The following TSPAN15 variants were observed in gnomAD, a reference collection of about 807,000 sequenced individuals.
The protein encoded by TSPAN15 is tetraspanin 15.
TSPAN15 carries 20 observed loss-of-function variants against 34.5 expected under a neutral mutation model. The ratio of observed to expected loss-of-function variants is 0.58; its 90% CI spans 0.41 to 0.84. TSPAN15 has a LOEUF of 0.84. Among genes scored for constraint, TSPAN15 ranks in the 40% least tolerant of loss-of-function variants. TSPAN15 has a pLI of 0.00. For missense variants in TSPAN15, 313 were observed against 386.1 expected, an observed-to-expected ratio of 0.81 and a Z score of 1.59; for synonymous variants, 155 against 153.9, an observed-to-expected ratio of 1.01 and a Z score of -0.05.
the TSPAN15 span, among the ~76,000 whole-genome samples, chr10:69,533,909 G>C: frequency 6.6e-6 from 1 of 152,288 alleles, no homozygotes; most frequent in East Asian, 1.9e-4. Flanking sequence ...AGAATTGATT[G>C]CTTGTTTGGT....
chr10:69,549,437 C>T, the TSPAN15 span, among the ~76,000 whole-genome samples: 7 of 152,260 alleles, frequency 4.6e-5, no homozygotes, highest in South Asian at 1.5e-3. Context: ...GGGGATCCAC[C>T]ATCTTGTCTT....
At chr10:69,544,844 T>C in the TSPAN15 span, among the ~76,000 whole-genome samples, 59 of 152,226 alleles carry the variant, frequency 3.9e-4, no homozygotes, top group African/African-American at 1.4e-3. Flanking sequence ...ACAGACCCCA[T>C]CTAGGAGGAA....
At chr10:69,528,779 C>A in the TSPAN15 span, among the ~76,000 whole-genome samples, 1 of 148,298 alleles carries the variant, frequency 6.7e-6, no homozygotes, top group African/African-American at 2.4e-5. Context: ...AGAGAGGAGA[C>A]CCTGGAGTAG....
At chr10:69,493,074 C>T (rs1842002162) in intron 3 of TSPAN15, among the ~76,000 whole-genome samples, 1 of 152,190 alleles carries the variant, frequency 6.6e-6, no homozygotes, top group African/African-American at 2.4e-5. Context: ...CTGGCCCCAC[C>T]CTGGTATCCT....
chr10:69,539,571 GA>G, the TSPAN15 span, among the ~76,000 whole-genome samples: 1 of 150,446 alleles, frequency 6.6e-6, no homozygotes, highest in Admixed American at 6.6e-5. Context: ...AGGAGAAGAA[GA>G]CTCAGCCCCT....
At chr10:69,510,236 G>C (rs1404608712), downstream of TSPAN15, among the ~76,000 whole-genome samples, 1 of 152,174 alleles carries the variant, frequency 6.6e-6, no homozygotes, top group Non-Finnish European at 1.5e-5. Context: ...CCATTTGTTT[G>C]TGTCTTCTCT....
chr10:69,479,469 G>T (rs1162216122), intron 1 of TSPAN15, among the ~76,000 whole-genome samples: 2 of 152,240 alleles, frequency 1.3e-5, no homozygotes, highest in Non-Finnish European at 2.9e-5. Flanking sequence ...TTGGCTGTGG[G>T]CTGCCAGCAG....
chr10:69,482,758 C>A (rs891006170), intron 1 of TSPAN15, among the ~76,000 whole-genome samples: 1 of 152,138 alleles, frequency 6.6e-6, no homozygotes, highest in African/African-American at 2.4e-5. Context: ...AGCTGGGGCT[C>A]GAACCCATGT....
At chr10:69,525,202 A>G in the TSPAN15 span, among the ~76,000 whole-genome samples, 1 of 148,012 alleles carries the variant, frequency 6.8e-6, no homozygotes, top group Non-Finnish European at 1.5e-5. Flanking sequence ...ACAGGCATGA[A>G]TAAACACTAT....
At chr10:69,504,341 C>T in intron 5 of TSPAN15, 97 bp from the exon 6 acceptor site, 1 of 1,250,818 alleles carries the variant, frequency 8.0e-7, no homozygotes. Flanking sequence ...CGGTGCAACT[C>T]TGTGCTTCGG....
At chr10:69,543,230 C>G in the TSPAN15 span, among the ~76,000 whole-genome samples, 1 of 152,144 alleles carries the variant, frequency 6.6e-6, no homozygotes, top group Non-Finnish European at 1.5e-5. Flanking sequence ...GATTTGGTCT[C>G]CACCACATAC....
chr10:69,530,818 CTCTATATATA>C, the TSPAN15 span, among the ~76,000 whole-genome samples: 337 of 42,510 alleles, frequency 7.9e-3, no homozygotes, highest in Middle Eastern at 0.011. Context: ...CTCTCTCTCT[CTCTATATATA>C]TATATATATA....
At chr10:69,480,855 G>A (rs1303245812) in intron 1 of TSPAN15, among the ~76,000 whole-genome samples, 1 of 152,158 alleles carries the variant, frequency 6.6e-6, no homozygotes, top group African/African-American at 2.4e-5. Context: ...GTGCCACCAA[G>A]CCCGGCTCAT....
intron 2 of TSPAN15, 73 bp from the exon 3 acceptor site, chr10:69,485,068 G>C (rs571781115): frequency 1.4e-6 from 2 of 1,414,052 alleles, no homozygotes; most frequent in Non-Finnish European, 2.0e-6. Flanking sequence ...TCTTGGAGCA[G>C]ATGGTGCCTC....
At chr10:69,467,699 G>A (rs1448019839) in intron 1 of TSPAN15, among the ~76,000 whole-genome samples, 4 of 151,092 alleles carry the variant, frequency 2.6e-5, no homozygotes, top group African/African-American at 9.8e-5. Flanking sequence ...ACAGAACTTG[G>A]TTGCTGTAGA....
At chr10:69,511,305 G>T (rs1481404919), downstream of TSPAN15, among the ~76,000 whole-genome samples, 1 of 149,466 alleles carries the variant, frequency 6.7e-6, no homozygotes. Context: ...TTAGTCTTGT[G>T]GGGGTGTATG....
At chr10:69,535,664 CT>C in the TSPAN15 span, among the ~76,000 whole-genome samples, 2 of 152,232 alleles carry the variant, frequency 1.3e-5, no homozygotes, top group African/African-American at 4.8e-5. Flanking sequence ...CTTTCTGCCC[CT>C]GGCACCCACA....
In TSPAN15 at chr10:69,460,016, G is replaced by GGAGATGAGAT. The variant is rs56801982; in HGVS notation, c.96+8371_96+8380dup. Among the ~76,000 whole-genome samples, 569 of 141,228 alleles carry GGAGATGAGAT rather than the reference G, an allele frequency of 4.0e-3. 6 individuals carry two copies. Among genetic ancestry groups the GGAGATGAGAT allele is most frequent in the Non-Finnish European group, 6.2e-3 (399 of 64,646 alleles). The allele number at this position is 141,228 out of a possible 152,430, so 92.7% of individuals were successfully genotyped here. On this transcript the variant is annotated intron_variant, in intron 1 of 7. Coordinates refer to ENST00000373290, the MANE Select transcript of TSPAN15 (RefSeq NM_012339.5). ...CCTTGCATTGCTCAGGGGTAGTTGG[G>GGAGATGAGAT]GAGATGAGATGAGATGAGATGAGAT...
chr10:69,455,626 C>CTCTCTCT (rs1491105874), intron 1 of TSPAN15, among the ~76,000 whole-genome samples: 1 of 45,104 alleles, frequency 2.2e-5, no homozygotes, highest in African/African-American at 8.1e-5. Flanking sequence ...CTCTCTCTCT[C>CTCTCTCT]CCCCCCCCGT....
Sources: gnomAD v4.1 joint callset for allele counts (sites outside exome capture counted in the v4.1 genomes callset) on GRCh38, gnomAD v4.1.1 for gene constraint, MANE v1.5 for transcripts, NCBI Gene and HGNC (gene_info 2026-07-23, HGNC 2026-07-21) for gene names.